ZSCAN1: variants seen among roughly 807,000 people sequenced by gnomAD.
ZSCAN1 encodes the protein zinc finger and SCAN domain containing 1.
A neutral mutation model predicts 23.8 loss-of-function variants in ZSCAN1; 23 were observed. The ratio of observed to expected loss-of-function variants is 0.97; its 90% CI spans 0.70 to 1.37. The LOEUF (loss-of-function observed/expected upper bound fraction) is 1.37. Among genes scored for constraint, ZSCAN1 ranks in the 40% most tolerant of loss-of-function variants. ZSCAN1 has a pLI of 0.00. For missense variants in ZSCAN1, 575 were observed against 554.0 expected (o/e 1.04, Z -0.38); for synonymous variants, 236 against 232.3 (o/e 1.02, Z -0.15).
intron 1 of ZSCAN1, among the ~76,000 whole-genome samples, 191 bp downstream of exon 1, chr19:58,034,352 C>A (rs1000263351): frequency 3.5e-4 from 53 of 150,604 alleles, no homozygotes; most frequent in Non-Finnish European, 6.2e-4. Flanking sequence ...CATCGGGAGT[C>A]CTGAGGTCGC....
At chr19:58,055,600 C>T (rs2073885518), downstream of ZSCAN1, among the ~76,000 whole-genome samples, 1 of 152,204 alleles carries the variant, frequency 6.6e-6, no homozygotes, top group Admixed American at 6.5e-5. Flanking sequence ...CCATTACTCT[C>T]GGAAGCCCCC....
rs533026378 is a variant in ZSCAN1, at chr19:58,052,777, C to T, written c.604+149C>T. The T allele has an allele frequency of 3.2e-6, 4 of 1,241,524 alleles. No individual in the cohort carries two copies. In the South Asian group the frequency reaches 6.3e-5, roughly 19 times the overall value. 76.9% of individuals were successfully genotyped at this position (1,241,524 alleles called of 1,614,324 possible). Reference sequence around the variant, plus strand: ...AAAGCATGCACACCTCCTGTGAGGACTGAGATCTGGGGCCCCTAGAACCAC... The same window carrying T: ...AAAGCATGCACACCTCCTGTGAGGATTGAGATCTGGGGCCCCTAGAACCAC... On this transcript the variant is annotated intron_variant, in intron 5 of 5. Coordinates refer to ENST00000282326, the MANE Select transcript of ZSCAN1 (RefSeq NM_182572.4).
intron 4 of ZSCAN1, among the ~76,000 whole-genome samples, chr19:58,050,404 C>T (rs1340007783): frequency 6.6e-6 from 1 of 151,874 alleles, no homozygotes; most frequent in Non-Finnish European, 1.5e-5. Flanking sequence ...CCACTGCACT[C>T]CAGCCTGGGC....
intron 4 of ZSCAN1, among the ~76,000 whole-genome samples, chr19:58,048,752 C>T (rs1272765300): frequency 3.9e-5 from 6 of 152,070 alleles, no homozygotes; most frequent in Admixed American, 6.6e-5. Context: ...CCACCGAGGC[C>T]GGCCCTTTTT....
chr19:58,045,693 G>A lies in ZSCAN1; in HGVS notation c.465+5149G>A, dbSNP rs2073820802. On this transcript the variant is annotated intron_variant, in intron 4 of 5. Transcript: ENST00000282326. The surrounding 1 kb of genome is among the most constrained non-coding windows in gnomAD (Gnocchi z 4.3). ...ACAGCCTGAACGTCAAGGAGCTGCA[G>A]GCGGCATGTCGGGCACGAGGCATGC... 1.1e-6 allele frequency: 1 copy of A among 944,462 alleles called. No individual in the cohort carries two copies. Among genetic ancestry groups the A allele is most frequent in the Admixed American group, 1.8e-5 (1 of 57,034 alleles). 58.5% of individuals were successfully genotyped at this position (944,462 alleles called of 1,614,324 possible).
chr19:58,038,623 C>G (rs560388850), intron 3 of ZSCAN1, among the ~76,000 whole-genome samples: 19 of 152,336 alleles, frequency 1.2e-4, no homozygotes, highest in Admixed American at 3.3e-4. Context: ...TGGGGAGAGA[C>G]GCTTAGGTCT....
At position 58,045,163 on chromosome 19, in the gene ZSCAN1, G is replaced by C. The variant is rs1183291181; in HGVS notation, c.465+4619G>C. The C allele has an allele frequency of 5.5e-6, 6 of 1,091,194 alleles. No individual in the cohort carries two copies. 67.6% of individuals were successfully genotyped at this position (1,091,194 alleles called of 1,614,324 possible). A position where few individuals can be genotyped will look rare whatever the true frequency, so the allele number is the denominator to read the frequency against. ...ATCCTCAACTGCCACACCCTGACCCGCCAGGCGCGCAGGCAGTTGCTCCGG... is the reference window on the plus strand; with the variant it reads ...ATCCTCAACTGCCACACCCTGACCCCCCAGGCGCGCAGGCAGTTGCTCCGG... On this transcript the variant is annotated intron_variant, in intron 4 of 5. Coordinates refer to ENST00000282326, the MANE Select transcript of ZSCAN1 (RefSeq NM_182572.4). The surrounding 1 kb of genome is among the most constrained non-coding windows in gnomAD (Gnocchi z 4.3).
intron 4 of ZSCAN1, chr19:58,046,275 G>A: frequency 1.3e-6 from 1 of 786,436 alleles, no homozygotes. Flanking sequence ...AGCTGGAGCT[G>A]CTGAAGGAGG....
At chr19:58,046,770 A>T (rs1258114345) in intron 4 of ZSCAN1, 3 of 760,464 alleles carry the variant, frequency 3.9e-6, no homozygotes, top group Non-Finnish European at 7.3e-6. Flanking sequence ...GAAGAGCTAG[A>T]GCCACTGGCG....
Position 58,045,717 on chromosome 19 carries a change from G to A in ZSCAN1, c.465+5173G>A, listed in dbSNP as rs777274899. 2.2e-4 allele frequency: 229 copies of A among 1,055,646 alleles called. No homozygotes were observed. The highest frequency in any genetic ancestry group is 3.1e-4 in the Non-Finnish European group (207 of 674,060). 65.4% of individuals were successfully genotyped at this position (1,055,646 alleles called of 1,614,324 possible). A position where few individuals can be genotyped will look rare whatever the true frequency, so the allele number is the denominator to read the frequency against. The stretch of plus-strand genomic sequence containing the variant: ...AGGCGGCATGTCGGGCACGAGGCAT[G>A]CGGGCCCTGGGCGTCAGGGAAAACC... On this transcript the variant is annotated intron_variant, in intron 4 of 5. Transcript: ENST00000282326. The surrounding 1 kb of genome is among the most constrained non-coding windows in gnomAD (Gnocchi z 4.3).
intron 1 of ZSCAN1, among the ~76,000 whole-genome samples, chr19:58,035,754 G>A (rs941912871): frequency 7.9e-5 from 12 of 152,184 alleles, no homozygotes; most frequent in Non-Finnish European, 1.5e-4. Context: ...CACAGTCCCC[G>A]TGAGTTGCCT....
At position 58,053,819 on chromosome 19, in the gene ZSCAN1, A is replaced by G. The variant is rs370066845; in HGVS notation, c.995A>G (p.Asn332Ser). Reference sequence around the variant, plus strand: ...GAGTGTGGCAAGGTCTTCCTGCACAACTCCGTCCTCACTGAGCATGGCAAG... The same window carrying G: ...GAGTGTGGCAAGGTCTTCCTGCACAGCTCCGTCCTCACTGAGCATGGCAAG... ...CPECGKVFLHNSVLTEHGKIH... is the reference protein window; with the variant it reads ...CPECGKVFLHSSVLTEHGKIH... The change falls in exon 6 of 6, where the codon AAC (asparagine) becomes AGC (serine). Residue 332 changes from asparagine to serine, a missense_variant. Coordinates refer to ENST00000282326, the MANE Select transcript of ZSCAN1 (RefSeq NM_182572.4). This position sits in a 1 kb window ranked among gnomAD's most constrained non-coding sequence, Gnocchi z 5.8. 37 of 1,613,746 alleles carry G rather than the reference A, an allele frequency of 2.3e-5. No homozygotes were observed. The highest frequency in any genetic ancestry group is 8.0e-5 in the African/African-American group (6 of 74,836).
intron 4 of ZSCAN1, among the ~76,000 whole-genome samples, chr19:58,050,435 CTAAA>C (rs2073851919): frequency 6.6e-6 from 1 of 152,014 alleles, no homozygotes; most frequent in Non-Finnish European, 1.5e-5. Context: ...GACCCTGTCT[CTAAA>C]TAAATAAATA....
chr19:58,039,648 T>C (rs954737338), intron 3 of ZSCAN1, among the ~76,000 whole-genome samples: 1 of 151,808 alleles, frequency 6.6e-6, no homozygotes, highest in South Asian at 2.1e-4. Context: ...GTGCCTATAT[T>C]ATATCCCAGC....
rs570309047 is a variant in ZSCAN1, at chr19:58,053,425, A to G, written c.605-4A>G. Reference sequence around the variant, plus strand: ...AGGTGACCCATCTCCCTCGCCCTCCACAGGGTCCCGGGCCCGCTTGCCTCT... The same window carrying G: ...AGGTGACCCATCTCCCTCGCCCTCCGCAGGGTCCCGGGCCCGCTTGCCTCT... On this transcript the variant is annotated splice_polypyrimidine_tract_variant and splice_region_variant and intron_variant, in intron 5 of 5. Transcript: ENST00000282326. The surrounding 1 kb of genome is among the most constrained non-coding windows in gnomAD (Gnocchi z 5.8). 1.9e-6 allele frequency: 3 copies of G among 1,605,388 alleles called. No homozygotes were observed. In the African/African-American group the frequency reaches 4.0e-5, roughly 21 times the overall value.
intron 2 of ZSCAN1, among the ~76,000 whole-genome samples, chr19:58,037,507 G>C (rs971431883): frequency 2.0e-5 from 3 of 151,822 alleles, no homozygotes; most frequent in African/African-American, 7.3e-5. Flanking sequence ...GGGCTGGGGT[G>C]GGATGGCAGG....
intron 4 of ZSCAN1, among the ~76,000 whole-genome samples, chr19:58,042,362 A>T: frequency 6.6e-6 from 1 of 150,872 alleles, no homozygotes; most frequent in East Asian, 2.0e-4. Context: ...GGTTCACGCC[A>T]TTCTCCTGCC....
chr19:58,051,763 G>A (rs966340683), intron 4 of ZSCAN1, among the ~76,000 whole-genome samples: 4 of 152,182 alleles, frequency 2.6e-5, no homozygotes, highest in Non-Finnish European at 5.9e-5. Flanking sequence ...GCCCTTGATG[G>A]TACCAGGCTC....
intron 4 of ZSCAN1, among the ~76,000 whole-genome samples, chr19:58,043,494 G>T (rs1025543118): frequency 6.6e-6 from 1 of 152,204 alleles, no homozygotes; most frequent in Non-Finnish European, 1.5e-5. Flanking sequence ...TGTGAGACTG[G>T]AAGTTGCTCT....
Sources: gnomAD v4.1 joint callset for allele counts (sites outside exome capture counted in the v4.1 genomes callset) on GRCh38, gnomAD v4.1.1 for gene constraint, Gnocchi (gnomAD v3.1) non-coding constraint, MANE v1.5 for transcripts, NCBI Gene and HGNC (gene_info 2026-07-23, HGNC 2026-07-21) for gene names.